BCAS3: variants seen among roughly 807,000 people sequenced by gnomAD.
BCAS3 encodes the protein BCAS4/BCAS3 fusion.
BCAS3 carries 53 observed loss-of-function variants against 116.1 expected under a neutral mutation model. The observed-to-expected ratio is 0.46, with a 90% CI of 0.37 to 0.57. BCAS3 has a LOEUF of 0.57. BCAS3 is among the 20% of genes least tolerant of loss of function. The pLI, the probability that BCAS3 is intolerant of heterozygous loss-of-function variation, is 0.00. For synonymous variants in BCAS3, 391 were observed against 408.2 expected, an observed-to-expected ratio of 0.96 and a Z score of 0.51; for missense variants, 917 against 1,165.4, an observed-to-expected ratio of 0.79 and a Z score of 3.10.
chr17:60,854,496 C>G (rs1236234982), intron 7 of BCAS3, among the ~76,000 whole-genome samples: 4 of 152,188 alleles, frequency 2.6e-5, no homozygotes, highest in African/African-American at 9.6e-5. Context: ...AGTGGTTGAA[C>G]TACAAGAAAA....
intron 6 of BCAS3, among the ~76,000 whole-genome samples, chr17:60,756,328 A>T (rs2042981562): frequency 6.6e-6 from 1 of 152,186 alleles, no homozygotes; most frequent in South Asian, 2.1e-4. Context: ...CCCACAGGCC[A>T]TGAACTGGTA....
intron 12 of BCAS3, 95 bp downstream of exon 12, chr17:60,910,797 C>T (rs1446159503): frequency 2.2e-5 from 25 of 1,153,996 alleles, no homozygotes; most frequent in Non-Finnish European, 2.8e-5. Context: ...AGGAGATTAT[C>T]AATTTGGAAT....
chr17:60,854,140 C>A (rs1007266181), intron 7 of BCAS3, among the ~76,000 whole-genome samples: 43 of 151,804 alleles, frequency 2.8e-4, no homozygotes, highest in African/African-American at 9.9e-4. Flanking sequence ...TGAGTGAGAA[C>A]ATGCGGTGTT....
At chr17:60,769,143 C>T (rs2044399714) in intron 6 of BCAS3, among the ~76,000 whole-genome samples, 1 of 152,162 alleles carries the variant, frequency 6.6e-6, no homozygotes, top group South Asian at 2.1e-4. Context: ...CCGTGGATGA[C>T]ATGCTCAGTT....
At chr17:61,167,810 C>T (rs763026383) in intron 22 of BCAS3, among the ~76,000 whole-genome samples, 2 of 152,082 alleles carry the variant, frequency 1.3e-5, no homozygotes, top group Non-Finnish European at 2.9e-5. Context: ...ACATTTCATA[C>T]AAAGGAAAGG....
intron 5 of BCAS3, among the ~76,000 whole-genome samples, chr17:60,743,148 C>T (rs994636060): frequency 2.6e-5 from 4 of 151,228 alleles, no homozygotes; most frequent in South Asian, 4.2e-4. Context: ...TATTTTCATA[C>T]AATGGAAATC....
At chr17:60,895,317 T>C (rs769859907) in intron 10 of BCAS3, among the ~76,000 whole-genome samples, 61 of 152,176 alleles carry the variant, frequency 4.0e-4, no homozygotes, top group Non-Finnish European at 7.9e-4. Context: ...AATTTATCAA[T>C]TTCCTCTAGG....
chr17:61,312,639 G>T (rs1312236220), intron 22 of BCAS3, among the ~76,000 whole-genome samples: 1 of 152,154 alleles, frequency 6.6e-6, no homozygotes, highest in Non-Finnish European at 1.5e-5. Flanking sequence ...TGGAACAATA[G>T]TCTAGTGTAC....
intron 9 of BCAS3, among the ~76,000 whole-genome samples, chr17:60,878,725 T>C (rs1255712607): frequency 1.3e-5 from 2 of 152,134 alleles, no homozygotes; most frequent in Non-Finnish European, 2.9e-5. Flanking sequence ...TTACAAATTA[T>C]TTTTCTTGAA....
intron 22 of BCAS3, among the ~76,000 whole-genome samples, chr17:61,096,066 C>T (rs916330399): frequency 1.1e-4 from 16 of 152,038 alleles, no homozygotes; most frequent in Admixed American, 2.6e-4. Flanking sequence ...GGTGTGATAT[C>T]GGTTCACTGC....
At chr17:60,858,700 T>A (rs2053892352) in intron 7 of BCAS3, among the ~76,000 whole-genome samples, 1 of 152,194 alleles carries the variant, frequency 6.6e-6, no homozygotes, top group Admixed American at 6.5e-5. Context: ...ATTTTGCGTC[T>A]CCAGCAGTAA....
chr17:60,705,228 A>C (rs984849044), intron 4 of BCAS3, among the ~76,000 whole-genome samples: 1 of 152,140 alleles, frequency 6.6e-6, no homozygotes, highest in Admixed American at 6.6e-5. Context: ...CAAGAAAGTC[A>C]TGAAAGAGGG....
At chr17:60,997,965 C>T (rs1328233285) in intron 15 of BCAS3, among the ~76,000 whole-genome samples, 2 of 152,124 alleles carry the variant, frequency 1.3e-5, no homozygotes, top group Non-Finnish European at 2.9e-5. Flanking sequence ...GAACATAGTA[C>T]CCAACTGGTG....
chr17:61,103,393 A>G (rs1276830269), intron 22 of BCAS3, among the ~76,000 whole-genome samples: 2 of 152,114 alleles, frequency 1.3e-5, no homozygotes, highest in African/African-American at 4.8e-5. Context: ...TTTTTACTCT[A>G]ACTCCAGGAA....
At position 61,136,211 on chromosome 17, in the gene BCAS3, C is replaced by T. The variant is rs570046660; in HGVS notation, c.2425+51647C>T. On this transcript the variant is annotated intron_variant, in intron 22 of 23. Transcript: ENST00000407086. This position sits in a 1 kb window ranked among gnomAD's most constrained non-coding sequence, Gnocchi z 4.4. ...AAATCATTTCTTTCCATCCTGAGTA[C>T]CCATGGCAAGCTCCTATCTTCCAAT... Among the ~76,000 whole-genome samples the T allele has an allele frequency of 5.9e-5, 9 of 152,302 alleles. 1 individual carries two copies. In the East Asian group the frequency reaches 1.3e-3, roughly 23 times the overall value.
At chr17:61,067,726 C>CAAAAAAAAAAAAAA (rs377228440) in intron 19 of BCAS3, among the ~76,000 whole-genome samples, 1 of 108,992 alleles carries the variant, frequency 9.2e-6, no homozygotes, top group Non-Finnish European at 1.9e-5. Flanking sequence ...AACAAACAAA[C>CAAAAAAAAAAAAAA]AAAAAAAAAA....
intron 19 of BCAS3, among the ~76,000 whole-genome samples, chr17:61,048,555 A>T (rs1233114842): frequency 1.3e-5 from 2 of 151,956 alleles, no homozygotes; most frequent in South Asian, 4.2e-4. Context: ...ATTGTAAATA[A>T]AGTTTTACTG....
chr17:61,057,784 A>G (rs1011494856), intron 19 of BCAS3, among the ~76,000 whole-genome samples: 17 of 152,158 alleles, frequency 1.1e-4, no homozygotes, highest in Admixed American at 2.6e-4. Flanking sequence ...CTTTATGGAA[A>G]ATGTATGTTT....
At chr17:61,277,645 C>A (rs188593800) in intron 22 of BCAS3, among the ~76,000 whole-genome samples, 238 of 147,710 alleles carry the variant, frequency 1.6e-3, no homozygotes, top group African/African-American at 6.0e-3. Flanking sequence ...TACATACATA[C>A]ACAATAATGA....
Sources: allele counts gnomAD v4.1 joint callset (sites outside exome capture counted in the v4.1 genomes callset), GRCh38; gene constraint gnomAD v4.1.1; non-coding constraint Gnocchi (gnomAD v3.1); transcripts MANE v1.5; gene names NCBI Gene and HGNC (gene_info 2026-07-23, HGNC 2026-07-21).